Variants in CFAP65 observed in about 807,000 individuals in gnomAD.
CFAP65 encodes the protein cilia- and flagella-associated protein 65.
A neutral mutation model predicts 208.0 loss-of-function variants in CFAP65; 155 were observed. That is an observed-to-expected ratio of 0.75 (90% confidence interval 0.65 to 0.85). The LOEUF is 0.85. Ranked by LOEUF, CFAP65 falls within the 40% of genes least tolerant of loss-of-function variation. CFAP65 has a pLI of 0.00. For synonymous variants in CFAP65, 970 were observed against 986.3 expected (o/e 0.98, Z 0.31); for missense variants, 2,294 against 2,451.3 (o/e 0.94, Z 1.36).
Position 219,031,354 on chromosome 2 carries a change from T to C in CFAP65, c.816-49A>G. On this transcript the variant is annotated intron_variant, in intron 7 of 34. Transcript: ENST00000341552. The surrounding 1 kb of genome is among the most constrained non-coding windows in gnomAD (Gnocchi z 5.2). ...GCACTGGGCTCCCGGCCCCTGCTCC[T>C]GCAGTAGCAAGTCAGGGATGCTGGG... 2 of 1,606,810 alleles carry C rather than the reference T, an allele frequency of 1.2e-6. No individual in the cohort carries two copies. The highest frequency in any genetic ancestry group is 1.7e-6 in the Non-Finnish European group (2 of 1,174,574).
rs1382059993 is a variant in CFAP65 at position 219,004,361 on chromosome 2, T to C, written c.5146A>G (p.Thr1716Ala). Reference sequence around the variant, plus strand: ...CTGTTTTTCTGGTCCATGAACTTAGTTGACTGCTCATTCCAGAATTGGCGG... The same window carrying C: ...CTGTTTTTCTGGTCCATGAACTTAGCTGACTGCTCATTCCAGAATTGGCGG... ...YFRQFWNEQSTKFMDQKNSLY... is the reference protein window; with the variant it reads ...YFRQFWNEQSAKFMDQKNSLY... Residue 1716 changes from threonine to alanine, a missense_variant, in exon 33 of 35, where the codon ACT becomes GCT. This residue lies in a region of CFAP65 where 1,427 missense variants were observed against 1,438.7 expected (regional missense o/e 0.99). Transcript: ENST00000341552. The surrounding 1 kb of genome is among the most constrained non-coding windows in gnomAD (Gnocchi z 4.7). 1.9e-6 allele frequency: 3 copies of C among 1,614,030 alleles called. No individual in the cohort carries two copies. In the African/African-American group the frequency reaches 4.0e-5, roughly 22 times the overall value.
Position 219,027,904 on chromosome 2 carries a change from C to T in CFAP65, c.1957G>A (p.Val653Ile), listed in dbSNP as rs73090878. ...CCGAAGTCTACCTCGACAGGCTCTA[C>T]ACTGATGGGCGGGGGGAAGATGGTT... ...DITIFPPPIS[V>I]EPVEVDFGAC... Residue 653 changes from valine to isoleucine, a missense_variant, in exon 13 of 35, where the codon GTA becomes ATA. By Grantham distance (29) the Val-to-Ile change is conservative. Transcript: ENST00000341552. 6.2e-4 allele frequency: 950 copies of T among 1,533,282 alleles called. 7 individuals are homozygous for T. The African/African-American group carries it at 0.01, about 16-fold the overall frequency. The allele number at this position is 1,533,282 out of a possible 1,614,324, so 95.0% of individuals were successfully genotyped here. A position where few individuals can be genotyped will look rare whatever the true frequency, so the allele number is the denominator to read the frequency against.
In CFAP65 at chr2:219,004,419, C is replaced by T. The variant is rs1167142204; in HGVS notation, c.5088G>A (p.Val1696=). 6.2e-6 allele frequency: 10 copies of T among 1,613,002 alleles called. No homozygotes were observed. The highest frequency in any genetic ancestry group is 8.5e-6 in the Non-Finnish European group (10 of 1,179,526). The change falls in exon 33 of 35, where the codon GTG becomes GTA. Residue 1696 remains valine, a synonymous_variant. Transcript: ENST00000341552. The surrounding 1 kb of genome is among the most constrained non-coding windows in gnomAD (Gnocchi z 4.7). ...GCACCTGCTCCACCAGGCTTTGGTC[C>T]ACAGCCTCATGGAAGTTCTTGTCTT... ...LLEDKNFHEA[V]DQSLVEQVPY... is the part of the protein sequence containing the mutation.
In CFAP65 at chr2:219,031,354, TGCAGTA is replaced by T. The variant is rs745834558; in HGVS notation, c.816-55_816-50del. The T allele has an allele frequency of 2.5e-6, 4 of 1,606,692 alleles. No individual in the cohort carries two copies. The African/African-American group carries it at 4.0e-5, about 16-fold the overall frequency. ...GCACTGGGCTCCCGGCCCCTGCTCC[TGCAGTA>T]GCAAGTCAGGGATGCTGGGCAGAAC... On this transcript the variant is annotated intron_variant, in intron 7 of 34. Coordinates refer to ENST00000341552, the MANE Select transcript of CFAP65 (RefSeq NM_194302.4). This position sits in a 1 kb window ranked among gnomAD's most constrained non-coding sequence, Gnocchi z 5.2.
chr2:219,033,207 C>T (rs554335899), intron 5 of CFAP65, among the ~76,000 whole-genome samples: 10 of 152,320 alleles, frequency 6.6e-5, no homozygotes, highest in Non-Finnish European at 1.2e-4. Context: ...CACAGTGCCT[C>T]ACATCTGGAA....
intron 30 of CFAP65, 108 bp from the exon 31 acceptor site, chr2:219,006,331 G>A (rs559736972): frequency 8.9e-6 from 13 of 1,465,258 alleles, no homozygotes; most frequent in South Asian, 3.5e-5. Context: ...CCACATAAGC[G>A]TGTGACCCCA....
At chr2:219,029,707 A>G (rs372617104) in intron 10 of CFAP65, 39 bp from the exon 11 acceptor site, 2 of 1,596,064 alleles carry the variant, frequency 1.3e-6, no homozygotes, top group Non-Finnish European at 8.6e-7. Context: ...CCCCAAGGAT[A>G]TCTTAGACAA....
In CFAP65 at chr2:219,005,575, T is replaced by C. The variant is rs769226144; in HGVS notation, c.4923-13A>G. 3 of 1,610,838 alleles carry C rather than the reference T, an allele frequency of 1.9e-6. No individual in the cohort carries two copies. The highest frequency in any genetic ancestry group is 1.7e-6 in the Non-Finnish European group (2 of 1,179,462). On this transcript the variant is annotated splice_polypyrimidine_tract_variant and intron_variant, in intron 31 of 34. Transcript: ENST00000341552. The stretch of plus-strand genomic sequence containing the variant: ...CTTTGGCAGCTCCCTGTGGCAGCCA[T>C]GACATTCTGAGTGGCCTGGGCAAGC...
chr2:219,022,286 AGGTACTT>A lies in CFAP65; in HGVS notation c.2857_2863del (p.Lys953CysfsTer52). ...CCAGACCCACATCCCCACTTGGAAC[AGGTACTT>A]GGTCTCCTCCAAAGGGCTGAAGGTC... On this transcript the variant is annotated frameshift_variant, in exon 17 of 35. Coordinates refer to ENST00000341552, the MANE Select transcript of CFAP65 (RefSeq NM_194302.4). LOFTEE classifies it high-confidence loss of function. 1 of 1,607,718 alleles carries A rather than the reference AGGTACTT, an allele frequency of 6.2e-7. No individual in the cohort carries two copies. Among genetic ancestry groups the A allele is most frequent in the Non-Finnish European group, 8.5e-7 (1 of 1,177,292 alleles).
chr2:219,018,873 C>T (rs1217491496), intron 21 of CFAP65, 178 bp downstream of exon 21: 12 of 777,490 alleles, frequency 1.5e-5, no homozygotes, highest in East Asian at 2.5e-5. Flanking sequence ...GTGACAGGCC[C>T]GGAGTCCTGC....
chr2:219,035,751 C>G, intron 4 of CFAP65, 87 bp from the exon 5 acceptor site: 1 of 1,506,356 alleles, frequency 6.6e-7, no homozygotes, highest in East Asian at 2.3e-5. Context: ...TGAAGGTCTT[C>G]GTCCTCCACC....
At chr2:219,038,293 A>T in intron 4 of CFAP65, 82 bp downstream of exon 4, 1 of 1,361,422 alleles carries the variant, frequency 7.3e-7, no homozygotes, top group Admixed American at 1.9e-5. Context: ...GCCTCTCAAG[A>T]TTCCCACCCC....
In CFAP65 at chr2:219,006,129, T is replaced by G; in HGVS notation, c.4814A>C (p.Gln1605Pro). The part of the protein sequence containing the change: ...PKEEVSWPCP[Q>P]PPSPGMLCLG... ...GCAGAGCATGCCTGGCGAGGGTGGCTGGGGGCAGGGCCAGGACACCTCCTC... is the reference window on the plus strand; with the variant it reads ...GCAGAGCATGCCTGGCGAGGGTGGCGGGGGGCAGGGCCAGGACACCTCCTC... Residue 1605 changes from glutamine (Q) to proline (P), a missense_variant, in exon 31 of 35, where the codon CAG (glutamine) becomes CCG (proline). By Grantham distance (76) the Gln-to-Pro change is moderately conservative. Around this residue, in one of 2 missense-constraint regions of CFAP65, gnomAD observed 1,427 missense variants for 1,438.7 expected, o/e 0.99. Coordinates refer to ENST00000341552, the MANE Select transcript of CFAP65 (RefSeq NM_194302.4). 1.9e-6 allele frequency: 3 copies of G among 1,613,644 alleles called. No individual in the cohort carries two copies. Among genetic ancestry groups the G allele is most frequent in the Non-Finnish European group, 2.5e-6 (3 of 1,179,990 alleles).
chr2:219,006,749 G>A (rs557832742), intron 29 of CFAP65, among the ~76,000 whole-genome samples: 5 of 151,184 alleles, frequency 3.3e-5, no homozygotes, highest in Admixed American at 6.6e-5. Flanking sequence ...CTGGAGAATC[G>A]CTTGAACCTA....
rs1362830732 is a variant in CFAP65, at chr2:219,029,806, G to A, written c.1385-138C>T. The A allele has an allele frequency of 5.1e-6, 6 of 1,184,344 alleles. No individual in the cohort carries two copies. The African/African-American group carries it at 7.7e-5, about 15-fold the overall frequency. 73.4% of individuals were successfully genotyped at this position (1,184,344 alleles called of 1,614,324 possible). On this transcript the variant is annotated intron_variant, in intron 10 of 34. Transcript: ENST00000341552. ...GAGCAGAACTCCAGCATCACTGGATGCCAGTGGGACTGGGATCTCCAGGTA... is the reference window on the plus strand; with the variant it reads ...GAGCAGAACTCCAGCATCACTGGATACCAGTGGGACTGGGATCTCCAGGTA...
chr2:219,031,645 T>C lies in CFAP65; in HGVS notation c.659A>G (p.Asp220Gly). Residue 220 changes from aspartate to glycine, a missense_variant, in exon 7 of 35, where the codon GAC (aspartate) becomes GGC (glycine). This residue lies in a region of CFAP65 where 867 missense variants were observed against 1,012.6 expected (regional missense o/e 0.86). Coordinates refer to ENST00000341552, the MANE Select transcript of CFAP65 (RefSeq NM_194302.4). This position sits in a 1 kb window ranked among gnomAD's most constrained non-coding sequence, Gnocchi z 5.2. ...FRPLEAKEYM[D>G]QLWFEKAEGM... ...CTCCGCTTTCTCAAACCACAGCTGGTCCATGTACTCCTTCTGCAGTGTGAG... is the reference window on the plus strand; with the variant it reads ...CTCCGCTTTCTCAAACCACAGCTGGCCCATGTACTCCTTCTGCAGTGTGAG... 2 of 1,609,876 alleles carry C rather than the reference T, an allele frequency of 1.2e-6. No homozygotes were observed. The highest frequency in any genetic ancestry group is 1.7e-6 in the Non-Finnish European group (2 of 1,177,698).
rs1485586642 is a variant in CFAP65, at chr2:219,006,918, T to C, written c.4675-409A>G. Among the ~76,000 whole-genome samples, 3 of 151,712 alleles carry C rather than the reference T, an allele frequency of 2.0e-5. No individual in the cohort carries two copies. The East Asian group carries it at 5.8e-4, about 29-fold the overall frequency. On this transcript the variant is annotated intron_variant, in intron 29 of 34. Coordinates refer to ENST00000341552, the MANE Select transcript of CFAP65 (RefSeq NM_194302.4). ...TTGCTGCCCTCTTGGTCCTGCCCAA[T>C]TCCCAGTCACATTTTCCTCTAGAAC...
At chr2:219,017,632 C>T (rs552395435) in intron 21 of CFAP65, among the ~76,000 whole-genome samples, 2 of 152,382 alleles carry the variant, frequency 1.3e-5, no homozygotes, top group East Asian at 1.9e-4. Flanking sequence ...CCCGGCTGGC[C>T]GGGCATGCTG....
chr2:219,002,969 G>T lies in CFAP65; in HGVS notation c.5746C>A (p.Pro1916Thr). Residue 1916 changes from proline (P) to threonine (T), a missense_variant, in exon 35 of 35, where the codon CCG becomes ACG. Pro to Thr is a conservative substitution (Grantham distance 38, BLOSUM62 -1). Transcript: ENST00000341552. This position sits in a 1 kb window ranked among gnomAD's most constrained non-coding sequence, Gnocchi z 7.9. The stretch of plus-strand genomic sequence containing the variant: ...AGGTCGGTAGGAAGTGGCACCACCG[G>T]GTGGAGTACCTCTGCTTGCTGCGTC... Reference protein sequence around the residue: ...LPTQQAEVLHPVVPLPTDLP With the variant: ...LPTQQAEVLHTVVPLPTDLP 3 of 1,566,728 alleles carry T rather than the reference G, an allele frequency of 1.9e-6. No individual in the cohort carries two copies. Among genetic ancestry groups the T allele is most frequent in the East Asian group, 2.3e-5 (1 of 43,254 alleles).
Sources: gnomAD v4.1 joint callset for allele counts (sites outside exome capture counted in the v4.1 genomes callset) on GRCh38, gnomAD v4.1.1 for gene constraint, gnomAD v4.1.1 regional missense constraint, Gnocchi (gnomAD v3.1) non-coding constraint, MANE v1.5 for transcripts, NCBI Gene and HGNC (gene_info 2026-07-23, HGNC 2026-07-21) for gene names.